Variants in KIRREL3 observed in about 807,000 individuals in gnomAD.
The protein encoded by KIRREL3 is kirre like nephrin family adhesion molecule 3.
In KIRREL3, 36 loss-of-function variants were observed where a neutral mutation model predicts 89.7. The observed-to-expected ratio is 0.40, with a 90% CI of 0.31 to 0.53. The LOEUF is 0.53. Ranked by LOEUF, KIRREL3 falls within the 20% of genes least tolerant of loss-of-function variation. KIRREL3 has a pLI of 0.49. For synonymous variants in KIRREL3, 445 were observed against 441.4 expected (o/e 1.01, Z -0.10); for missense variants, 864 against 1,056.6 (o/e 0.82, Z 2.53).
At chr11:126,800,884 T>C (rs1951011157) in intron 1 of KIRREL3, among the ~76,000 whole-genome samples, 1 of 152,192 alleles carries the variant, frequency 6.6e-6, no homozygotes, top group Non-Finnish European at 1.5e-5. Flanking sequence ...GCAGAGTGGC[T>C]GCATTCTGAG....
rs1163750249 is a variant in KIRREL3, at chr11:126,912,885, T to C, written c.55+87570A>G. On this transcript the variant is annotated intron_variant, in intron 1 of 16. Coordinates refer to ENST00000525144, the MANE Select transcript of KIRREL3 (RefSeq NM_032531.4). The surrounding 1 kb of genome is among the most constrained non-coding windows in gnomAD (Gnocchi z 4.7). ...ATGATCATAATTACCAATGACGCTT[T>C]ATCGTGATGACAGAGGAGGGCATGC... 6.6e-6 allele frequency among the ~76,000 whole-genome samples: 1 copy of C among 152,226 alleles called. No individual in the cohort carries two copies. The highest frequency in any genetic ancestry group is 2.4e-5 in the African/African-American group (1 of 41,464).
At chr11:126,824,410 T>C (rs1178942199) in intron 1 of KIRREL3, among the ~76,000 whole-genome samples, 1 of 152,180 alleles carries the variant, frequency 6.6e-6, no homozygotes, top group African/African-American at 2.4e-5. Flanking sequence ...AGATTTGTTA[T>C]AAGGACGCTC....
At chr11:126,511,883 C>A (rs571362659) in intron 4 of KIRREL3, among the ~76,000 whole-genome samples, 2 of 152,192 alleles carry the variant, frequency 1.3e-5, no homozygotes, top group Non-Finnish European at 2.9e-5. Context: ...GGAGAAGCGG[C>A]GGGTTATTTT....
chr11:126,482,266 T>C (rs1957240448), intron 4 of KIRREL3, among the ~76,000 whole-genome samples: 1 of 152,220 alleles, frequency 6.6e-6, no homozygotes, highest in Non-Finnish European at 1.5e-5. Context: ...CTCGAACTCC[T>C]GACCTCAGGT....
Position 126,535,833 on chromosome 11 carries a change from A to G in KIRREL3, c.134-9146T>C, listed in dbSNP as rs1371114371. Among the ~76,000 whole-genome samples, 1 of 152,154 alleles carries G rather than the reference A, an allele frequency of 6.6e-6. No homozygotes were observed. Among genetic ancestry groups the G allele is most frequent in the Non-Finnish European group, 1.5e-5 (1 of 68,030 alleles). On this transcript the variant is annotated intron_variant, in intron 2 of 16. Coordinates refer to ENST00000525144, the MANE Select transcript of KIRREL3 (RefSeq NM_032531.4). The surrounding 1 kb of genome is among the most constrained non-coding windows in gnomAD (Gnocchi z 4.5). Reference sequence around the variant, plus strand: ...AACCCCGTCTCTACTAAAAATACAAAAATTAGCGGGACATGGTGGTGCGTG... The same window carrying G: ...AACCCCGTCTCTACTAAAAATACAAGAATTAGCGGGACATGGTGGTGCGTG...
chr11:126,973,073 A>C (rs1949472479), intron 1 of KIRREL3, among the ~76,000 whole-genome samples: 1 of 134,090 alleles, frequency 7.5e-6, no homozygotes, highest in Non-Finnish European at 1.5e-5. Context: ...CAGACAACTT[A>C]TTCCACTGCC....
At chr11:126,921,183 T>G (rs1947259821) in intron 1 of KIRREL3, among the ~76,000 whole-genome samples, 1 of 152,190 alleles carries the variant, frequency 6.6e-6, no homozygotes, top group African/African-American at 2.4e-5. Flanking sequence ...ACCTATAGAC[T>G]CTGGGACTCG....
Position 126,432,751 on chromosome 11 carries a change from C to T in KIRREL3, c.1589-1225G>A, listed in dbSNP as rs538967189. ...ATCTGTAGGATGGGGATAATGGTAC[C>T]GGCCCCTCTGAGGGTTGTTATGGGC... On this transcript the variant is annotated intron_variant, in intron 13 of 16. Transcript: ENST00000525144. The surrounding 1 kb of genome is among the most constrained non-coding windows in gnomAD (Gnocchi z 6.2). Among the ~76,000 whole-genome samples the T allele has an allele frequency of 5.3e-5, 8 of 152,274 alleles. No homozygotes were observed. The East Asian group carries it at 7.7e-4, about 15-fold the overall frequency.
In KIRREL3 at chr11:126,678,599, C is replaced by CAAAAAAAAAAA. The variant is rs59342253; in HGVS notation, c.56-115698_56-115688dup. 2.1e-3 allele frequency among the ~76,000 whole-genome samples: 104 copies of CAAAAAAAAAAA among 50,042 alleles called. 4 individuals are homozygous for CAAAAAAAAAAA. The highest frequency in any genetic ancestry group is 3.9e-3 in the African/African-American group (48 of 12,224). The allele number at this position is 50,042 out of a possible 152,430, so 32.8% of individuals were successfully genotyped here. ...TGGGCGATAGAGCAAGACTCTGTCT[C>CAAAAAAAAAAA]AAAAAAAAAAAAAAAAAAAAAAAAA... is the stretch of plus-strand genomic sequence containing the variant. On this transcript the variant is annotated intron_variant, in intron 1 of 16. Coordinates refer to ENST00000525144, the MANE Select transcript of KIRREL3 (RefSeq NM_032531.4).
At chr11:126,801,536 A>G (rs761568326) in intron 1 of KIRREL3, among the ~76,000 whole-genome samples, 2 of 152,244 alleles carry the variant, frequency 1.3e-5, no homozygotes, top group Non-Finnish European at 2.9e-5. Context: ...GAGCCATATT[A>G]GCACCAGGAT....
At chr11:126,442,854 C>T (rs1473396725) in intron 10 of KIRREL3, among the ~76,000 whole-genome samples, 1 of 152,234 alleles carries the variant, frequency 6.6e-6, no homozygotes, top group African/African-American at 2.4e-5. Context: ...TGCTTCCCTC[C>T]AATCCCTCCA....
chr11:126,509,033 A>C (rs1041166345), intron 4 of KIRREL3, among the ~76,000 whole-genome samples: 1 of 152,128 alleles, frequency 6.6e-6, no homozygotes, highest in Non-Finnish European at 1.5e-5. Context: ...GGAGTCTGGG[A>C]CCATCAGGAC....
At chr11:126,855,532 G>A (rs554417686) in intron 1 of KIRREL3, among the ~76,000 whole-genome samples, 2 of 152,184 alleles carry the variant, frequency 1.3e-5, no homozygotes, top group African/African-American at 2.4e-5. Context: ...ATGTGAGAAT[G>A]AACTAATACA....
intron 1 of KIRREL3, among the ~76,000 whole-genome samples, chr11:126,583,886 G>A (rs1458780675): frequency 1.3e-5 from 2 of 152,210 alleles, no homozygotes; most frequent in South Asian, 2.1e-4. Context: ...TGTGCAACCC[G>A]CTGTGGAGGC....
intron 1 of KIRREL3, among the ~76,000 whole-genome samples, chr11:126,749,780 C>G (rs1949277371): frequency 6.6e-6 from 1 of 152,162 alleles, no homozygotes; most frequent in Non-Finnish European, 1.5e-5. Context: ...ATTTTCATAA[C>G]CGGACCCTCA....
At position 126,526,982 on chromosome 11, in the gene KIRREL3, G is replaced by T. The variant is rs574275674; in HGVS notation, c.134-295C>A. ...GGCCATCTCCCTCCACCTTTGGGAC[G>T]TGCCACTTCCCATGCATTGGTGAGC... On this transcript the variant is annotated intron_variant, in intron 2 of 16. Coordinates refer to ENST00000525144, the MANE Select transcript of KIRREL3 (RefSeq NM_032531.4). The surrounding 1 kb of genome is among the most constrained non-coding windows in gnomAD (Gnocchi z 5.7). 6.6e-6 allele frequency among the ~76,000 whole-genome samples: 1 copy of T among 152,184 alleles called. No individual in the cohort carries two copies. The highest frequency in any genetic ancestry group is 6.5e-5 in the Admixed American group (1 of 15,272).
At chr11:126,456,622 CAG>C (rs1182664850) in intron 6 of KIRREL3, among the ~76,000 whole-genome samples, 168 bp from the exon 7 acceptor site, 3 of 152,200 alleles carry the variant, frequency 2.0e-5, no homozygotes, top group Non-Finnish European at 2.9e-5. Flanking sequence ...GTGCCTGCTT[CAG>C]ACAGTCCTGG....
At chr11:126,968,169 G>A (rs1409834396) in intron 1 of KIRREL3, among the ~76,000 whole-genome samples, 1 of 152,190 alleles carries the variant, frequency 6.6e-6, no homozygotes, top group Non-Finnish European at 1.5e-5. Context: ...ATTAGTTTGG[G>A]AGTTGGTGTT....
At chr11:126,960,621 A>G (rs775524105) in intron 1 of KIRREL3, among the ~76,000 whole-genome samples, 13 of 152,210 alleles carry the variant, frequency 8.5e-5, no homozygotes, top group Non-Finnish European at 1.6e-4. Context: ...AGCCTCAAAT[A>G]CCCTGCAAAA....
Sources: allele counts gnomAD v4.1 joint callset (sites outside exome capture counted in the v4.1 genomes callset), GRCh38; gene constraint gnomAD v4.1.1; non-coding constraint Gnocchi (gnomAD v3.1); transcripts MANE v1.5; gene names NCBI Gene and HGNC (gene_info 2026-07-23, HGNC 2026-07-21).